The following DERA variants were observed in gnomAD, a reference collection of about 807,000 sequenced individuals.
DERA encodes 2-deoxy-D-ribose 5-phosphate aldolase.
Under a neutral mutation model 41.1 loss-of-function variants are expected in DERA, and 15 were observed. That is an observed-to-expected ratio of 0.37 (90% confidence interval 0.24 to 0.56). The LOEUF is 0.56. Ranked by LOEUF, DERA falls within the 20% of genes least tolerant of loss-of-function variation. The pLI is 0.81. For missense variants in DERA, 396 were observed against 403.4 expected (o/e 0.98, Z 0.16); for synonymous variants, 139 against 137.4 (o/e 1.01, Z -0.08).
intron 1 of DERA, among the ~76,000 whole-genome samples, chr12:15,932,151 T>A (rs978478675): frequency 5.3e-5 from 8 of 152,214 alleles, no homozygotes; most frequent in African/African-American, 1.9e-4. Context: ...TCTTGTGATA[T>A]GAAAACTTTT....
chr12:15,961,293 A>G (rs77505262), intron 4 of DERA, among the ~76,000 whole-genome samples: 3,086 of 152,328 alleles, frequency 0.02, 111 homozygotes, highest in East Asian at 0.12. Flanking sequence ...GTAAATGTGT[A>G]TCTGTGTGTA....
Position 15,912,019 on chromosome 12 carries a change from TC to T in DERA, c.31+606del, listed in dbSNP as rs1295588213. ...CTGGCAAGAAACCTTAGTTCAGATT[TC>T]TTTTTTTTTTTTTTTTATTGATCAT... On this transcript the variant is annotated intron_variant, in intron 1 of 8. Transcript: ENST00000428559. Among the ~76,000 whole-genome samples the T allele has an allele frequency of 1.7e-3, 258 of 148,526 alleles. 5 individuals carry two copies. The highest frequency in any genetic ancestry group is 0.017 in the Admixed American group (251 of 15,190).
In DERA at chr12:16,014,280, T is replaced by C. The variant is rs1051550142; in HGVS notation, c.638-18262T>C. Among the ~76,000 whole-genome samples the C allele has an allele frequency of 1.1e-4, 16 of 152,202 alleles. No homozygotes were observed. The highest frequency in any genetic ancestry group is 2.1e-4 in the South Asian group (1 of 4,808). On this transcript the variant is annotated intron_variant, in intron 6 of 8. Transcript: ENST00000428559. The surrounding 1 kb of genome is among the most constrained non-coding windows in gnomAD (Gnocchi z 5.4). Reference sequence around the variant, plus strand: ...AAATGTCTCCAGGGCATGTCAGAGATCTTCATGGCAGTCTCTCCCATCACA... The same window carrying C: ...AAATGTCTCCAGGGCATGTCAGAGACCTTCATGGCAGTCTCTCCCATCACA...
intron 1 of DERA, among the ~76,000 whole-genome samples, chr12:15,917,676 C>T (rs1245473375): frequency 6.6e-6 from 1 of 152,204 alleles, no homozygotes; most frequent in Non-Finnish European, 1.5e-5. Flanking sequence ...CTTTGCTTTA[C>T]ACCAACGGTC....
At chr12:15,977,545 C>G (rs895222454) in intron 5 of DERA, among the ~76,000 whole-genome samples, 1 of 152,178 alleles carries the variant, frequency 6.6e-6, no homozygotes, top group African/African-American at 2.4e-5. Context: ...CTTCGCCTCC[C>G]AGGTTCAAGT....
At chr12:15,923,341 C>T (rs1303599784) in intron 1 of DERA, among the ~76,000 whole-genome samples, 1 of 152,178 alleles carries the variant, frequency 6.6e-6, no homozygotes, top group Non-Finnish European at 1.5e-5. Context: ...TTTTAAAAAA[C>T]AGACACAGAT....
rs1411744369 is a variant in DERA at position 15,999,025 on chromosome 12, T to C, written c.637+16589T>C. 6.6e-6 allele frequency among the ~76,000 whole-genome samples: 1 copy of C among 152,156 alleles called. No individual in the cohort carries two copies. Among genetic ancestry groups the C allele is most frequent in the Admixed American group, 6.5e-5 (1 of 15,268 alleles). ...TCACCTCCTTTCATCTTCAACATAT[T>C]AGATTTAGGATTTGAATAGGGAGTT... On this transcript the variant is annotated intron_variant, in intron 6 of 8. Coordinates refer to ENST00000428559, the MANE Select transcript of DERA (RefSeq NM_015954.4). This position sits in a 1 kb window ranked among gnomAD's most constrained non-coding sequence, Gnocchi z 5.3.
In DERA at chr12:15,957,780, T is replaced by C. The variant is rs1025382558; in HGVS notation, c.130-408T>C. Among the ~76,000 whole-genome samples the C allele has an allele frequency of 4.6e-4, 70 of 152,224 alleles. No individual in the cohort carries two copies. Among genetic ancestry groups the C allele is most frequent in the Admixed American group, 4.5e-3 (69 of 15,282 alleles). On this transcript the variant is annotated intron_variant, in intron 2 of 8. Coordinates refer to ENST00000428559, the MANE Select transcript of DERA (RefSeq NM_015954.4). This position sits in a 1 kb window ranked among gnomAD's most constrained non-coding sequence, Gnocchi z 4.8. Reference sequence around the variant, plus strand: ...CAAAAAACTTGGAAACTTTTAAAAATGATAATCTCATCCCAGATCCCAGAG... The same window carrying C: ...CAAAAAACTTGGAAACTTTTAAAAACGATAATCTCATCCCAGATCCCAGAG...
chr12:15,936,500 A>G lies in DERA; in HGVS notation c.32-20436A>G, dbSNP rs1948365002. ...TCTCTTTCTTTCACTCATAGACATA[A>G]AAAGTTTGCACTTTAAAGAAATTAA... On this transcript the variant is annotated intron_variant, in intron 1 of 8. Coordinates refer to ENST00000428559, the MANE Select transcript of DERA (RefSeq NM_015954.4). This position sits in a 1 kb window ranked among gnomAD's most constrained non-coding sequence, Gnocchi z 4.6. 6.6e-6 allele frequency among the ~76,000 whole-genome samples: 1 copy of G among 152,208 alleles called. No homozygotes were observed. The highest frequency in any genetic ancestry group is 2.4e-5 in the African/African-American group (1 of 41,450).
rs1024854571 is a variant in DERA, at chr12:16,020,422, G to A, written c.638-12120G>A. The stretch of plus-strand genomic sequence containing the variant: ...CAGAGACACCTGAACATTGGGGTGG[G>A]GGTTACAATTTGACATGAGATTTGG... On this transcript the variant is annotated intron_variant, in intron 6 of 8. Transcript: ENST00000428559. This position sits in a 1 kb window ranked among gnomAD's most constrained non-coding sequence, Gnocchi z 5.5. Among the ~76,000 whole-genome samples, 1 of 152,048 alleles carries A rather than the reference G, an allele frequency of 6.6e-6. No individual in the cohort carries two copies. The highest frequency in any genetic ancestry group is 6.5e-5 in the Admixed American group (1 of 15,272).
At position 15,940,422 on chromosome 12, in the gene DERA, G is replaced by A. The variant is rs1441095001; in HGVS notation, c.32-16514G>A. Among the ~76,000 whole-genome samples, 2 of 151,942 alleles carry A rather than the reference G, an allele frequency of 1.3e-5. No individual in the cohort carries two copies. The highest frequency in any genetic ancestry group is 2.1e-4 in the South Asian group (1 of 4,810). On this transcript the variant is annotated intron_variant, in intron 1 of 8. Coordinates refer to ENST00000428559, the MANE Select transcript of DERA (RefSeq NM_015954.4). This position sits in a 1 kb window ranked among gnomAD's most constrained non-coding sequence, Gnocchi z 5.1. ...GCTGGAGTACAGTGGCATGATCTTG[G>A]CTCACTGCAACCTCCACCTCCCGGG...
chr12:15,919,639 G>A (rs1668987629), intron 1 of DERA, among the ~76,000 whole-genome samples: 1 of 152,212 alleles, frequency 6.6e-6, no homozygotes, highest in Non-Finnish European at 1.5e-5. Context: ...AGAAACCAAA[G>A]TGGTTGCAAG....
rs1948789048 is a variant in DERA at position 15,989,787 on chromosome 12, ATCT to A, written c.637+7352_637+7354del. Among the ~76,000 whole-genome samples the A allele has an allele frequency of 6.6e-6, 1 of 152,252 alleles. No individual in the cohort carries two copies. The highest frequency in any genetic ancestry group is 2.4e-5 in the African/African-American group (1 of 41,466). On this transcript the variant is annotated intron_variant, in intron 6 of 8. Transcript: ENST00000428559. The surrounding 1 kb of genome is among the most constrained non-coding windows in gnomAD (Gnocchi z 5.2). ...AATTCTTTGGAGACCAGGTAGAGAT[ATCT>A]AACTATGTTAGTCTGGTCTTACACA...
chr12:15,996,470 C>G lies in DERA; in HGVS notation c.637+14034C>G, dbSNP rs1948838839. Among the ~76,000 whole-genome samples the G allele has an allele frequency of 6.6e-6, 1 of 152,118 alleles. No homozygotes were observed. Among genetic ancestry groups the G allele is most frequent in the Admixed American group, 6.6e-5 (1 of 15,264 alleles). Reference sequence around the variant, plus strand: ...CAATGCTTGACATACCTTGGCTTCACTCCAGTCTCTGCCTCTGTCACTAGA... The same window carrying G: ...CAATGCTTGACATACCTTGGCTTCAGTCCAGTCTCTGCCTCTGTCACTAGA... On this transcript the variant is annotated intron_variant, in intron 6 of 8. Transcript: ENST00000428559. The surrounding 1 kb of genome is among the most constrained non-coding windows in gnomAD (Gnocchi z 4.7).
chr12:15,933,369 T>C (rs988536889), intron 1 of DERA, among the ~76,000 whole-genome samples: 3 of 152,220 alleles, frequency 2.0e-5, no homozygotes, highest in Non-Finnish European at 4.4e-5. Flanking sequence ...TCCTTAGATA[T>C]TGGACTTTCC....
At chr12:15,932,565 C>T (rs1057450436) in intron 1 of DERA, among the ~76,000 whole-genome samples, 4 of 151,734 alleles carry the variant, frequency 2.6e-5, no homozygotes, top group Non-Finnish European at 5.9e-5. Context: ...TTGCTTGAGC[C>T]TGGGAGGAGT....
Position 15,957,392 on chromosome 12 carries a change from G to A in DERA, c.129+359G>A, listed in dbSNP as rs547120949. ...TAAAGCCCTAACATCTAAACTTGAT[G>A]TGTCCACTGTTGAGGCCCTTAGGTA... On this transcript the variant is annotated intron_variant, in intron 2 of 8. Transcript: ENST00000428559. This position sits in a 1 kb window ranked among gnomAD's most constrained non-coding sequence, Gnocchi z 4.8. 6.6e-6 allele frequency among the ~76,000 whole-genome samples: 1 copy of A among 152,274 alleles called. No homozygotes were observed. Among genetic ancestry groups the A allele is most frequent in the South Asian group, 2.1e-4 (1 of 4,818 alleles).
Position 15,911,727 on chromosome 12 carries a change from A to G in DERA, c.31+313A>G, listed in dbSNP as rs1370321908. 1 of 628,246 alleles carries G rather than the reference A, an allele frequency of 1.6e-6. No individual in the cohort carries two copies. The highest frequency in any genetic ancestry group is 3.0e-6 in the Non-Finnish European group (1 of 338,226). The allele number at this position is 628,246 out of a possible 1,614,324, so 38.9% of individuals were successfully genotyped here. ...GAAAACCCAACAACCCAAAAAACAA[A>G]ACCCAAAACAAACAACCCCCAAGCA... On this transcript the variant is annotated intron_variant, in intron 1 of 8. Coordinates refer to ENST00000428559, the MANE Select transcript of DERA (RefSeq NM_015954.4). This position sits in a 1 kb window ranked among gnomAD's most constrained non-coding sequence, Gnocchi z 4.5.
intron 6 of DERA, among the ~76,000 whole-genome samples, chr12:15,991,655 C>T (rs1006956189): frequency 6.6e-5 from 10 of 152,234 alleles, no homozygotes; most frequent in African/African-American, 2.2e-4. Flanking sequence ...ACAACAATGT[C>T]ATAATAGCTC....
Sources: gnomAD v4.1 joint callset for allele counts (sites outside exome capture counted in the v4.1 genomes callset) on GRCh38, gnomAD v4.1.1 for gene constraint, Gnocchi (gnomAD v3.1) non-coding constraint, MANE v1.5 for transcripts, NCBI Gene and HGNC (gene_info 2026-07-23, HGNC 2026-07-21) for gene names.